Variants in ELF2 observed in about 807,000 individuals in gnomAD.
ELF2 encodes the protein E74 like ETS transcription factor 2.
In ELF2, 11 loss-of-function variants were observed where a neutral mutation model predicts 54.8. That is an observed-to-expected ratio of 0.20 (90% CI 0.13 to 0.33). The LOEUF (loss-of-function observed/expected upper bound fraction) is 0.33. ELF2 is among the 10% of genes least tolerant of loss of function. ELF2 has a pLI of 1.00. For missense variants in ELF2, 513 were observed against 703.0 expected, an observed-to-expected ratio of 0.73 and a Z score of 3.06; for synonymous variants, 203 against 245.1, an observed-to-expected ratio of 0.83 and a Z score of 1.61.
At chr4:139,120,923 T>C (rs190034916) in intron 4 of ELF2, among the ~76,000 whole-genome samples, 1 of 152,106 alleles carries the variant, frequency 6.6e-6, no homozygotes, top group Admixed American at 6.6e-5. Context: ...CAGTTTACAA[T>C]GCATTTCACC....
rs543128409 is a variant in ELF2 at position 139,100,988 on chromosome 4, T to C, written c.238+24176A>G. On this transcript the variant is annotated intron_variant, in intron 4 of 9. Transcript: ENST00000686138. Reference sequence around the variant, plus strand: ...GCAATGAAGATAGGAAGACTCGAGATATACTTTGGAGGCAAAATTAACATG... The same window carrying C: ...GCAATGAAGATAGGAAGACTCGAGACATACTTTGGAGGCAAAATTAACATG... 2.6e-5 allele frequency among the ~76,000 whole-genome samples: 4 copies of C among 152,294 alleles called. No individual in the cohort carries two copies. The East Asian group carries it at 5.8e-4, about 22-fold the overall frequency.
chr4:139,108,428 ATG>A (rs1451027379), intron 4 of ELF2, among the ~76,000 whole-genome samples: 70 of 152,266 alleles, frequency 4.6e-4, no homozygotes, highest in African/African-American at 1.6e-3. Context: ...TAACTATGTT[ATG>A]GAAGCTTATT....
intron 4 of ELF2, among the ~76,000 whole-genome samples, chr4:139,095,351 AT>A (rs1733141138): frequency 6.6e-6 from 1 of 151,842 alleles, no homozygotes; most frequent in South Asian, 2.1e-4. Flanking sequence ...CGCCCAGCTA[AT>A]TTTTGTATTT....
At chr4:139,092,414 T>A (rs7673859) in intron 4 of ELF2, among the ~76,000 whole-genome samples, 8,234 of 87,712 alleles carry the variant, frequency 0.094, 795 homozygotes, top group African/African-American at 0.11. Flanking sequence ...TAACATAACA[T>A]ACATAACATA....
intron 3 of ELF2, among the ~76,000 whole-genome samples, chr4:139,135,237 ATG>A (rs61122327): frequency 0.063 from 7,078 of 112,300 alleles, 197 homozygotes; most frequent in South Asian, 0.11. Context: ...TACTATATAT[ATG>A]TGTGTGTGTG....
At chr4:139,176,206 G>C (rs1287980091) in intron 1 of ELF2, among the ~76,000 whole-genome samples, 1 of 152,222 alleles carries the variant, frequency 6.6e-6, no homozygotes, top group South Asian at 2.1e-4. Flanking sequence ...TTTTGCTTAA[G>C]AAACAGATTC....
At chr4:139,156,185 AGTC>A (rs1412825931) in intron 1 of ELF2, among the ~76,000 whole-genome samples, 4 of 148,982 alleles carry the variant, frequency 2.7e-5, no homozygotes, top group Admixed American at 6.7e-5. Flanking sequence ...TTGGCGGGGG[AGTC>A]GTCGGGGGAC....
intron 1 of ELF2, among the ~76,000 whole-genome samples, chr4:139,151,287 T>C (rs902039434): frequency 1.3e-5 from 2 of 152,064 alleles, no homozygotes; most frequent in Non-Finnish European, 2.9e-5. Flanking sequence ...AAAAAATTAT[T>C]AGATGAGACA....
chr4:139,112,995 C>T (rs536606837), intron 4 of ELF2, among the ~76,000 whole-genome samples: 19 of 152,296 alleles, frequency 1.2e-4, no homozygotes, highest in African/African-American at 4.1e-4. Flanking sequence ...AATGATCTAT[C>T]GTCTAGATAT....
intron 3 of ELF2, among the ~76,000 whole-genome samples, chr4:139,135,889 T>C (rs891772870): frequency 1.3e-5 from 2 of 152,252 alleles, no homozygotes; most frequent in East Asian, 1.9e-4. Flanking sequence ...TAAGTTCTCC[T>C]GGCCGTGAAC....
chr4:139,093,833 A>G (rs1245655713), intron 4 of ELF2, among the ~76,000 whole-genome samples: 1 of 151,840 alleles, frequency 6.6e-6, no homozygotes, highest in Admixed American at 6.6e-5. Flanking sequence ...AGGGATGGCC[A>G]TTAATATTAC....
intron 1 of ELF2, among the ~76,000 whole-genome samples, chr4:139,151,032 A>AAAAAAAAG (rs1301387000): frequency 2.9e-5 from 3 of 102,510 alleles, no homozygotes; most frequent in Non-Finnish European, 3.5e-5. Context: ...TCAAAAAAAA[A>AAAAAAAAG]AAAGAAAGAA....
chr4:139,069,375 A>C (rs1185186852), intron 6 of ELF2, among the ~76,000 whole-genome samples: 1 of 152,202 alleles, frequency 6.6e-6, no homozygotes, highest in Admixed American at 6.5e-5. Flanking sequence ...CAAAAAGTAA[A>C]ACAGAAAGTT....
At chr4:139,136,019 A>G (rs570902355) in intron 3 of ELF2, among the ~76,000 whole-genome samples, 6 of 152,314 alleles carry the variant, frequency 3.9e-5, no homozygotes, top group African/African-American at 1.4e-4. Flanking sequence ...TATTCTGCCT[A>G]TTGTTTTTGG....
intron 1 of ELF2, among the ~76,000 whole-genome samples, chr4:139,157,994 A>G (rs1740717918): frequency 6.6e-6 from 1 of 152,236 alleles, no homozygotes; most frequent in Non-Finnish European, 1.5e-5. Context: ...CCGTGTGAAG[A>G]GACCACCAAA....
intron 1 of ELF2, among the ~76,000 whole-genome samples, chr4:139,146,662 G>A (rs1467475841): frequency 6.6e-6 from 1 of 152,220 alleles, no homozygotes; most frequent in South Asian, 2.1e-4. Context: ...CATGGTACTG[G>A]TATAAAAATA....
rs547989935 is a variant in ELF2 at position 139,150,949 on chromosome 4, C to T, written c.-251-11452G>A. Among the ~76,000 whole-genome samples the T allele has an allele frequency of 9.2e-3, 1,307 of 141,750 alleles. 23 individuals are homozygous for T. The highest frequency in any genetic ancestry group is 0.034 in the African/African-American group (1,252 of 36,974). The allele number at this position is 141,750 out of a possible 152,430, so 93.0% of individuals were successfully genotyped here. A position where few individuals can be genotyped will look rare whatever the true frequency, so the allele number is the denominator to read the frequency against. On this transcript the variant is annotated intron_variant, in intron 1 of 9. Transcript: ENST00000686138. Reference sequence around the variant, plus strand: ...CTGAGGCAGGAGAATGGCGTGAACCCGGGAGGCGAGCTTGCAGTGAGCCGA... The same window carrying T: ...CTGAGGCAGGAGAATGGCGTGAACCTGGGAGGCGAGCTTGCAGTGAGCCGA...
At chr4:139,133,654 G>C (rs59632805) in intron 3 of ELF2, among the ~76,000 whole-genome samples, 1 of 137,252 alleles carries the variant, frequency 7.3e-6, no homozygotes, top group Admixed American at 7.5e-5. Flanking sequence ...TTTTTTTTAA[G>C]ATACGGGGTT....
intron 4 of ELF2, among the ~76,000 whole-genome samples, chr4:139,083,404 T>C (rs995937115): frequency 6.6e-6 from 1 of 152,158 alleles, no homozygotes; most frequent in African/African-American, 2.4e-5. Context: ...TAAACCTAGT[T>C]TCTTCGCAGC....
Sources: allele counts gnomAD v4.1 joint callset (sites outside exome capture counted in the v4.1 genomes callset), GRCh38; gene constraint gnomAD v4.1.1; transcripts MANE v1.5; gene names NCBI Gene and HGNC (gene_info 2026-07-23, HGNC 2026-07-21).